The following RIMKLB variants were observed in gnomAD, a reference collection of about 807,000 sequenced individuals.
RIMKLB encodes the protein beta-citrylglutamate synthase B.
A neutral mutation model predicts 32.0 loss-of-function variants in RIMKLB; 7 were observed. The ratio of observed to expected loss-of-function variants is 0.22; its 90% CI spans 0.12 to 0.41. The LOEUF (loss-of-function observed/expected upper bound fraction) is 0.41. Ranked by LOEUF, RIMKLB falls within the 10% of genes least tolerant of loss-of-function variation. The pLI is 1.00. For missense variants in RIMKLB, 289 were observed against 498.7 expected (o/e 0.58, Z 4.00); for synonymous variants, 172 against 185.1 (o/e 0.93, Z 0.57).
intron 5 of RIMKLB, among the ~76,000 whole-genome samples, chr12:8,766,466 T>C (rs1949975213): frequency 1.3e-5 from 2 of 152,308 alleles, no homozygotes; most frequent in South Asian, 4.1e-4. Context: ...CAACAGTTCT[T>C]AGGCAAATTT....
chr12:8,773,019 A>G (rs1173415067), intron 5 of RIMKLB, among the ~76,000 whole-genome samples: 2 of 151,862 alleles, frequency 1.3e-5, no homozygotes, highest in African/African-American at 4.9e-5. Flanking sequence ...TACTTTTGCC[A>G]TCTATCAAGT....
In RIMKLB at chr12:8,773,415, T is replaced by C. The variant is rs2969089; in HGVS notation, c.792T>C (p.Asp264=). Residue 264 remains aspartate, a synonymous_variant, in exon 6 of 6, where the codon GAT becomes GAC. Coordinates refer to ENST00000535829, the MANE Select transcript of RIMKLB (RefSeq NM_001297776.2). ...TGGGGATGGATGTGTGTGGCATTGA[T>C]CTGCTGATGAAAGATGACGGCTCCT... ...NILGMDVCGI[D]LLMKDDGSFC... is the part of the protein sequence containing the mutation. 1,613,749 of 1,614,256 alleles carry C rather than the reference T, an allele frequency of 1. 806,625 individuals carry two copies. The highest frequency in any genetic ancestry group is 1 in the East Asian group (44,886 of 44,886).
intron 1 of RIMKLB, among the ~76,000 whole-genome samples, chr12:8,710,251 C>T (rs1482612912): frequency 2.6e-5 from 4 of 151,276 alleles, no homozygotes; most frequent in African/African-American, 9.7e-5. Flanking sequence ...ACCTCAGCCT[C>T]CCAAAATGAA....
chr12:8,676,467 C>T, the RIMKLB span, among the ~76,000 whole-genome samples: 3 of 125,662 alleles, frequency 2.4e-5, no homozygotes, highest in Non-Finnish European at 3.2e-5. Context: ...GGCATAATCT[C>T]GGCTCACTGC....
At chr12:8,673,431 G>T in the RIMKLB span, among the ~76,000 whole-genome samples, 1 of 152,028 alleles carries the variant, frequency 6.6e-6, no homozygotes, top group African/African-American at 2.4e-5. Context: ...TCTTGATTTT[G>T]TGTGTTGATC....
chr12:8,704,999 C>CACACACACACACACACACACACACAAAAA (rs35908223), intron 1 of RIMKLB, among the ~76,000 whole-genome samples: 36 of 151,538 alleles, frequency 2.4e-4, no homozygotes, highest in African/African-American at 8.5e-4. Context: ...CACACACACA[C>CACACACACACACACACACACACACAAAAA]AAAACCCCAA....
At chr12:8,761,975 G>A (rs1176846743) in intron 5 of RIMKLB, among the ~76,000 whole-genome samples, 1 of 152,164 alleles carries the variant, frequency 6.6e-6, no homozygotes, top group Non-Finnish European at 1.5e-5. Context: ...AGAACCATTT[G>A]TAGTTTTATA....
Position 8,739,958 on chromosome 12 carries a change from G to A in RIMKLB, c.176-9904G>A, listed in dbSNP as rs530984167. Among the ~76,000 whole-genome samples the A allele has an allele frequency of 5.7e-4, 87 of 152,224 alleles. 1 individual carries two copies. The highest frequency in any genetic ancestry group is 1.0e-3 in the Non-Finnish European group (68 of 68,006). ...GGTCTCGCTCTGTCACCCAGGCTGGGGGTGTGGTGGCATAATCTCAGCTCA... is the reference window on the plus strand; with the variant it reads ...GGTCTCGCTCTGTCACCCAGGCTGGAGGTGTGGTGGCATAATCTCAGCTCA... On this transcript the variant is annotated intron_variant, in intron 2 of 5. Transcript: ENST00000535829.
At chr12:8,755,537 C>T (rs1477868504) in intron 5 of RIMKLB, among the ~76,000 whole-genome samples, 3 of 152,214 alleles carry the variant, frequency 2.0e-5, no homozygotes, top group East Asian at 3.9e-4. Flanking sequence ...AGAATGTTTC[C>T]AAATCTGACC....
chr12:8,776,866 AATC>A lies in RIMKLB; in HGVS notation c.*3086_*3088del. The A allele has an allele frequency of 1.0e-6, 1 of 985,826 alleles. No homozygotes were observed. Among genetic ancestry groups the A allele is most frequent in the Non-Finnish European group, 1.2e-6 (1 of 829,910 alleles). The allele number at this position is 985,826 out of a possible 1,614,324, so 61.1% of individuals were successfully genotyped here. On this transcript the variant is annotated 3_prime_UTR_variant, in exon 6 of 6. Coordinates refer to ENST00000535829, the MANE Select transcript of RIMKLB (RefSeq NM_001297776.2). ...ACATATTGAAGGCATTGACTTTGAA[AATC>A]ATCTCTTTTTCTCAAGAAGAAAGCA...
intron 4 of RIMKLB, among the ~76,000 whole-genome samples, chr12:8,752,497 A>G (rs750801859): frequency 2.0e-5 from 3 of 151,566 alleles, no homozygotes; most frequent in Non-Finnish European, 4.4e-5. Context: ...GGTTGCAGTG[A>G]GCCGAGATCA....
intron 5 of RIMKLB, among the ~76,000 whole-genome samples, chr12:8,763,602 G>T (rs541127622): frequency 3.9e-4 from 60 of 152,330 alleles, no homozygotes; most frequent in African/African-American, 1.3e-3. Flanking sequence ...GATAATTTTA[G>T]CCCTAAGTAT....
rs147435065 is a variant in RIMKLB at position 8,740,956 on chromosome 12, C to A, written c.176-8906C>A. Among the ~76,000 whole-genome samples the A allele has an allele frequency of 9.2e-4, 140 of 152,232 alleles. 2 individuals carry two copies. In the East Asian group the frequency reaches 0.017, roughly 18 times the overall value. ...AGGCGGGGTGGCTCACGCCTGTAATCCCAGCATTTTGGGAGACTGAGGCGG... is the reference window on the plus strand; with the variant it reads ...AGGCGGGGTGGCTCACGCCTGTAATACCAGCATTTTGGGAGACTGAGGCGG... On this transcript the variant is annotated intron_variant, in intron 2 of 5. Coordinates refer to ENST00000535829, the MANE Select transcript of RIMKLB (RefSeq NM_001297776.2).
At chr12:8,680,845 T>G (rs1942395810), upstream of RIMKLB, among the ~76,000 whole-genome samples, 1 of 152,166 alleles carries the variant, frequency 6.6e-6, no homozygotes, top group African/African-American at 2.4e-5. Context: ...ACCTTGACCT[T>G]CATCTATTAC....
chr12:8,734,541 T>C (rs1379268579), intron 2 of RIMKLB, among the ~76,000 whole-genome samples: 1 of 152,174 alleles, frequency 6.6e-6, no homozygotes, highest in Non-Finnish European at 1.5e-5. Flanking sequence ...TTAAATCATA[T>C]AGTATTTAAT....
the RIMKLB span, among the ~76,000 whole-genome samples, chr12:8,672,605 AC>A: frequency 2.0e-5 from 3 of 150,898 alleles, no homozygotes; most frequent in Admixed American, 6.6e-5. Flanking sequence ...GGGAAAGATG[AC>A]CCCCCCATGA....
Position 8,775,273 on chromosome 12 carries a change from T to C in RIMKLB, c.*1489T>C. On this transcript the variant is annotated 3_prime_UTR_variant, in exon 6 of 6. Coordinates refer to ENST00000535829, the MANE Select transcript of RIMKLB (RefSeq NM_001297776.2). The stretch of plus-strand genomic sequence containing the variant: ...ACTTATTTAGTAGTATTGAGTCTCT[T>C]ATAGCCCTACTCTTAAGCCTTCAAT... 3.0e-6 allele frequency: 3 copies of C among 985,530 alleles called. No homozygotes were observed. The highest frequency in any genetic ancestry group is 5.2e-4 in the Middle Eastern group (1 of 1,912). The allele number at this position is 985,530 out of a possible 1,614,324, so 61.0% of individuals were successfully genotyped here.
chr12:8,756,096 G>A (rs1948999113), intron 5 of RIMKLB, among the ~76,000 whole-genome samples: 1 of 151,182 alleles, frequency 6.6e-6, no homozygotes, highest in Admixed American at 6.6e-5. Flanking sequence ...AGAGGTTGCA[G>A]TGAGTCAAGA....
At chr12:8,749,806 C>T in intron 2 of RIMKLB, 56 bp from the exon 3 acceptor site, 1 of 1,135,342 alleles carries the variant, frequency 8.8e-7, no homozygotes, top group South Asian at 1.4e-5. Context: ...TACTATTCCT[C>T]TATTTTGTTG....
Sources: allele counts gnomAD v4.1 joint callset (sites outside exome capture counted in the v4.1 genomes callset), GRCh38; gene constraint gnomAD v4.1.1; transcripts MANE v1.5; gene names NCBI Gene and HGNC (gene_info 2026-07-23, HGNC 2026-07-21).